Variants in COL21A1 observed in about 807,000 individuals in gnomAD.
The protein encoded by COL21A1 is collagen alpha-1(XXI) chain.
COL21A1 carries 149 observed loss-of-function variants against 137.9 expected under a neutral mutation model. The observed-to-expected ratio is 1.08, with a 90% confidence interval of 0.95 to 1.24. The LOEUF (loss-of-function observed/expected upper bound fraction) is 1.24. Among genes scored for constraint, COL21A1 ranks in the 50% most tolerant of loss-of-function variants. The pLI is 0.00. For synonymous variants in COL21A1, 456 were observed against 391.5 expected (o/e 1.16, Z -1.95); for missense variants, 1,167 against 1,158.4 (o/e 1.01, Z -0.11).
intron 1 of COL21A1, among the ~76,000 whole-genome samples, chr6:56,193,341 G>A (rs901354305): frequency 6.6e-6 from 1 of 151,942 alleles, no homozygotes; most frequent in Non-Finnish European, 1.5e-5. Context: ...TTTAAAAAAA[G>A]AAATGCTAAT....
intron 1 of COL21A1, among the ~76,000 whole-genome samples, chr6:56,330,990 T>C (rs1046987314): frequency 6.6e-6 from 1 of 152,156 alleles, no homozygotes; most frequent in Non-Finnish European, 1.5e-5. Context: ...ATAGCCATTC[T>C]GAATTGTGTA....
chr6:56,149,993 A>G (rs1285349486), intron 10 of COL21A1, among the ~76,000 whole-genome samples: 3 of 152,188 alleles, frequency 2.0e-5, no homozygotes, highest in Non-Finnish European at 4.4e-5. Context: ...ACAATGGTCT[A>G]AAGAACTCTA....
chr6:56,291,715 A>T (rs376188451), intron 1 of COL21A1, among the ~76,000 whole-genome samples: 3 of 152,208 alleles, frequency 2.0e-5, no homozygotes, highest in South Asian at 4.1e-4. Context: ...TATACTGTGA[A>T]AAGTCCTGTG....
intron 3 of COL21A1, 39 bp downstream of exon 3, chr6:56,179,538 TA>T: frequency 6.8e-7 from 1 of 1,460,198 alleles, no homozygotes; most frequent in Non-Finnish European, 9.3e-7. Flanking sequence ...GCACAATTAT[TA>T]ATTGCTTCCA....
At chr6:56,390,964 A>C (rs2094028463) in intron 1 of COL21A1, among the ~76,000 whole-genome samples, 1 of 152,228 alleles carries the variant, frequency 6.6e-6, no homozygotes, top group Non-Finnish European at 1.5e-5. Flanking sequence ...ACTATGGACC[A>C]AATGGATCTA....
At position 56,067,389 on chromosome 6, in the gene COL21A1, A is replaced by G; in HGVS notation, c.2092-59T>C. On this transcript the variant is annotated intron_variant, in intron 22 of 29. Transcript: ENST00000244728. ...TAGCATATTCTGTACAGTTTCAAAT[A>G]AACATATATTTTTCTCTGCTGAAGA... is the stretch of plus-strand genomic sequence containing the variant. 2.7e-6 allele frequency: 4 copies of G among 1,470,102 alleles called. No homozygotes were observed. In the South Asian group the frequency reaches 3.6e-5, roughly 13 times the overall value. The allele number at this position is 1,470,102 out of a possible 1,614,324, so 91.1% of individuals were successfully genotyped here.
At chr6:56,388,496 C>A (rs1347179254) in intron 1 of COL21A1, among the ~76,000 whole-genome samples, 2 of 152,214 alleles carry the variant, frequency 1.3e-5, no homozygotes, top group East Asian at 1.9e-4. Flanking sequence ...CCAAGTCAAC[C>A]AATGCTGTCC....
chr6:56,229,860 C>G (rs949015439), intron 1 of COL21A1, among the ~76,000 whole-genome samples: 1 of 151,834 alleles, frequency 6.6e-6, no homozygotes, highest in African/African-American at 2.4e-5. Context: ...CCTATAAGTA[C>G]AAATTCATCC....
At chr6:56,244,245 G>A (rs1013366313) in intron 1 of COL21A1, among the ~76,000 whole-genome samples, 6 of 152,208 alleles carry the variant, frequency 3.9e-5, no homozygotes, top group Admixed American at 2.0e-4. Context: ...AGTCACTGTG[G>A]GGCATTGCAA....
At chr6:56,384,728 C>A (rs1267078217) in intron 1 of COL21A1, among the ~76,000 whole-genome samples, 1 of 152,036 alleles carries the variant, frequency 6.6e-6, no homozygotes, top group East Asian at 1.9e-4. Flanking sequence ...AGAGCACCAG[C>A]CTGGAGAGAA....
intron 1 of COL21A1, among the ~76,000 whole-genome samples, chr6:56,257,021 T>C (rs1313485333): frequency 6.6e-6 from 1 of 152,154 alleles, no homozygotes; most frequent in Non-Finnish European, 1.5e-5. Flanking sequence ...TAAAGAAAGA[T>C]TTCTCCATTA....
intron 1 of COL21A1, among the ~76,000 whole-genome samples, chr6:56,333,867 G>T (rs1279779578): frequency 6.6e-6 from 1 of 152,048 alleles, no homozygotes; most frequent in Non-Finnish European, 1.5e-5. Context: ...ATAGTTAATG[G>T]TGTTGAGGAT....
At position 56,141,995 on chromosome 6, in the gene COL21A1, T is replaced by C. The variant is rs1395393195; in HGVS notation, c.1435-12A>G. On this transcript the variant is annotated splice_polypyrimidine_tract_variant and intron_variant, in intron 10 of 29. Transcript: ENST00000244728. Reference sequence around the variant, plus strand: ...ATTCCCTGATATCCCTAAAGAAAAATTTAAAAAGAAAAAAAATAATATTTC... The same window carrying C: ...ATTCCCTGATATCCCTAAAGAAAAACTTAAAAAGAAAAAAAATAATATTTC... 6.7e-7 allele frequency: 1 copy of C among 1,497,056 alleles called. No homozygotes were observed. The highest frequency in any genetic ancestry group is 9.0e-7 in the Non-Finnish European group (1 of 1,112,604). The allele number at this position is 1,497,056 out of a possible 1,614,324, so 92.7% of individuals were successfully genotyped here.
At chr6:56,147,991 C>G (rs1220449505) in intron 10 of COL21A1, among the ~76,000 whole-genome samples, 1 of 152,108 alleles carries the variant, frequency 6.6e-6, no homozygotes, top group Non-Finnish European at 1.5e-5. Flanking sequence ...CATAGGCTGT[C>G]TTCTGAGTTT....
At chr6:56,299,882 C>T (rs1007317090) in intron 1 of COL21A1, among the ~76,000 whole-genome samples, 3 of 151,972 alleles carry the variant, frequency 2.0e-5, no homozygotes, top group Admixed American at 6.6e-5. Flanking sequence ...ATTTCCCCTG[C>T]GGTTAAGAGC....
chr6:56,216,213 A>G (rs1008904319), intron 1 of COL21A1, among the ~76,000 whole-genome samples: 4 of 152,130 alleles, frequency 2.6e-5, no homozygotes, highest in Non-Finnish European at 5.9e-5. Flanking sequence ...TATATTGTCC[A>G]CTGCGATATG....
intron 17 of COL21A1, among the ~76,000 whole-genome samples, chr6:56,096,118 A>T (rs918414099): frequency 1.2e-4 from 18 of 150,552 alleles, no homozygotes; most frequent in African/African-American, 4.4e-4. Context: ...AAATGCTGGG[A>T]TTACAGGCAT....
intron 12 of COL21A1, among the ~76,000 whole-genome samples, chr6:56,131,203 T>C (rs752302848): frequency 6.6e-6 from 1 of 151,992 alleles, no homozygotes; most frequent in Non-Finnish European, 1.5e-5. Context: ...GGTGAAATAA[T>C]TGATAAAAAG....
Position 56,220,098 on chromosome 6 carries a change from TAAC to T in COL21A1, c.-39+27286_-39+27288del, listed in dbSNP as rs199665369. 6.1e-3 allele frequency among the ~76,000 whole-genome samples: 935 copies of T among 152,272 alleles called. 10 individuals carry two copies. The highest frequency in any genetic ancestry group is 0.022 in the African/African-American group (896 of 41,572). On this transcript the variant is annotated intron_variant, in intron 1 of 29. Transcript: ENST00000244728. ...GCTCAATCAATATTGCATTTATGCCTAACATATTTATACATTGAATTAACATTT... is the reference window on the plus strand; with the variant it reads ...GCTCAATCAATATTGCATTTATGCCTATATTTATACATTGAATTAACATTT...
Sources: gnomAD v4.1 joint callset for allele counts (sites outside exome capture counted in the v4.1 genomes callset) on GRCh38, gnomAD v4.1.1 for gene constraint, MANE v1.5 for transcripts, NCBI Gene and HGNC (gene_info 2026-07-23, HGNC 2026-07-21) for gene names.